The following PITPNB variants were observed in gnomAD, a reference collection of about 807,000 sequenced individuals.
PITPNB encodes the protein phosphatidylinositol transfer protein beta, also known as phosphatidylinositol transfer protein beta isoform.
A neutral mutation model predicts 45.9 loss-of-function variants in PITPNB; 16 were observed. The ratio of observed to expected loss-of-function variants is 0.35; its 90% CI spans 0.24 to 0.53. The LOEUF (loss-of-function observed/expected upper bound fraction) is 0.53. Ranked by LOEUF, PITPNB falls within the 20% of genes least tolerant of loss-of-function variation. The pLI is 0.93. For missense variants in PITPNB, 188 were observed against 330.5 expected (o/e 0.57, Z 3.34); for synonymous variants, 112 against 108.9 (o/e 1.03, Z -0.18).
At chr22:27,875,543 T>C (rs969206051) in intron 7 of PITPNB, among the ~76,000 whole-genome samples, 8 of 152,230 alleles carry the variant, frequency 5.3e-5, no homozygotes, top group Non-Finnish European at 1.0e-4. Flanking sequence ...CAATGAGAAA[T>C]AAGCTACTCT....
chr22:27,896,470 C>T, intron 6 of PITPNB, 82 bp downstream of exon 6: 1 of 940,628 alleles, frequency 1.1e-6, no homozygotes, highest in Non-Finnish European at 1.7e-6. Flanking sequence ...GGTGACATTA[C>T]TTTGATGATG....
intron 7 of PITPNB, among the ~76,000 whole-genome samples, chr22:27,885,212 T>TTA (rs1569019261): frequency 3.3e-4 from 10 of 30,192 alleles, no homozygotes; most frequent in African/African-American, 5.5e-4. Context: ...AATTTATACC[T>TTA]AAAAAAAAAA....
At chr22:27,891,786 A>C (rs1284817165) in intron 7 of PITPNB, among the ~76,000 whole-genome samples, 1 of 152,202 alleles carries the variant, frequency 6.6e-6, no homozygotes, top group Non-Finnish European at 1.5e-5. Context: ...GAGTGAATTA[A>C]ACCTCTTTCC....
At chr22:27,898,581 A>G (rs1935501231) in intron 3 of PITPNB, among the ~76,000 whole-genome samples, 1 of 152,192 alleles carries the variant, frequency 6.6e-6, no homozygotes, top group Non-Finnish European at 1.5e-5. Context: ...TAATGCAAAA[A>G]GCCCCAGAAT....
At chr22:27,874,473 C>T (rs1934760714) in intron 7 of PITPNB, among the ~76,000 whole-genome samples, 1 of 152,148 alleles carries the variant, frequency 6.6e-6, no homozygotes. Flanking sequence ...CAGTTATATA[C>T]CACAGGGGAA....
chr22:27,857,222 T>C (rs1934199715), intron 10 of PITPNB, among the ~76,000 whole-genome samples: 1 of 152,186 alleles, frequency 6.6e-6, no homozygotes, highest in Admixed American at 6.5e-5. Context: ...GGAAAATATG[T>C]TCCAAATTTC....
In PITPNB at chr22:27,914,796, G is replaced by A. The variant is rs565578410; in HGVS notation, c.21-449C>T. 1.6e-4 allele frequency among the ~76,000 whole-genome samples: 24 copies of A among 152,202 alleles called. No individual in the cohort carries two copies. The South Asian group carries it at 4.8e-3, about 30-fold the overall frequency. On this transcript the variant is annotated intron_variant, in intron 1 of 11. Transcript: ENST00000335272. Reference sequence around the variant, plus strand: ...GTGTCTTGAATCTCATTGAATAAACGCTTCCAGAAACTGTTCCCCCACTAT... The same window carrying A: ...GTGTCTTGAATCTCATTGAATAAACACTTCCAGAAACTGTTCCCCCACTAT...
chr22:27,855,091 C>A (rs1487357980), intron 10 of PITPNB, 152 bp from the exon 11 acceptor site: 3 of 591,834 alleles, frequency 5.1e-6, no homozygotes, highest in Non-Finnish European at 9.0e-6. Context: ...CTCAAATAAC[C>A]TTGGTTTGAA....
At chr22:27,910,852 T>G in intron 3 of PITPNB, 112 bp downstream of exon 3, 1 of 734,448 alleles carries the variant, frequency 1.4e-6, no homozygotes, top group Non-Finnish European at 2.4e-6. Context: ...ATGCAATATA[T>G]TATCAAACTG....
At chr22:27,880,909 C>T (rs888866454) in intron 7 of PITPNB, among the ~76,000 whole-genome samples, 3 of 152,218 alleles carry the variant, frequency 2.0e-5, no homozygotes, top group Admixed American at 6.5e-5. Context: ...GCGTGAGCCA[C>T]TGCACCCAGT....
chr22:27,903,330 G>T (rs1188988374), intron 3 of PITPNB, among the ~76,000 whole-genome samples: 1 of 151,804 alleles, frequency 6.6e-6, no homozygotes, highest in East Asian at 1.9e-4. Context: ...TTAGCCAGGC[G>T]TGGTGGTGCA....
rs1428301038 is a variant in PITPNB, at chr22:27,854,771, A to T, written c.*38+83T>A. On this transcript the variant is annotated intron_variant, in intron 11 of 11. Transcript: ENST00000335272. ...AAAAATAAAACCACATTTAACACTTAGAGCTTCTGCTCAGCAAGTTAACTG... is the reference window on the plus strand; with the variant it reads ...AAAAATAAAACCACATTTAACACTTTGAGCTTCTGCTCAGCAAGTTAACTG... 3 of 681,312 alleles carry T rather than the reference A, an allele frequency of 4.4e-6. No individual in the cohort carries two copies. In the African/African-American group the frequency reaches 5.4e-5, roughly 12 times the overall value. The allele number at this position is 681,312 out of a possible 1,614,324, so 42.2% of individuals were successfully genotyped here. A position where few individuals can be genotyped will look rare whatever the true frequency, so the allele number is the denominator to read the frequency against.
At chr22:27,897,302 A>T (rs1474388537) in intron 4 of PITPNB, among the ~76,000 whole-genome samples, 165 bp from the exon 5 acceptor site, 2 of 152,252 alleles carry the variant, frequency 1.3e-5, no homozygotes, top group African/African-American at 2.4e-5. Flanking sequence ...CACACAAGTG[A>T]CACTATACAG....
In PITPNB at chr22:27,894,579, T is replaced by C; in HGVS notation, c.432A>G (p.Ala144=). Reference sequence around the variant, plus strand: ...CTGCTGGTTCAACTTGACTTCTATCTGCAATATCTATATGGACAATTTCAA... The same window carrying C: ...CTGCTGGTTCAACTTGACTTCTATCCGCAATATCTATATGGACAATTTCAA... The part of the protein sequence containing the change: ...KTVEIVHIDI[A]DRSQVEPADY... The change falls in exon 7 of 12, where the codon GCA becomes GCG. Residue 144 remains alanine, a synonymous_variant. Coordinates refer to ENST00000335272, the MANE Select transcript of PITPNB (RefSeq NM_012399.5). The C allele has an allele frequency of 6.3e-7, 1 of 1,593,232 alleles. No homozygotes were observed. The highest frequency in any genetic ancestry group is 1.3e-5 in the African/African-American group (1 of 74,656).
At position 27,853,536 on chromosome 22, in the gene PITPNB, C is replaced by T. The variant is rs1234738447; in HGVS notation, c.*166G>A. The T allele has an allele frequency of 3.6e-6, 4 of 1,123,594 alleles. No homozygotes were observed. Among genetic ancestry groups the T allele is most frequent in the Non-Finnish European group, 5.3e-6 (4 of 757,628 alleles). The allele number at this position is 1,123,594 out of a possible 1,614,324, so 69.6% of individuals were successfully genotyped here. A position where few individuals can be genotyped will look rare whatever the true frequency, so the allele number is the denominator to read the frequency against. On this transcript the variant is annotated 3_prime_UTR_variant, in exon 12 of 12. Transcript: ENST00000335272. ...ACATATATACACACGTGGTTGAGAA[C>T]CTGTGCATGTGTGTGTATCATCACA...
At chr22:27,895,021 C>T (rs1356965359) in intron 6 of PITPNB, among the ~76,000 whole-genome samples, 2 of 152,130 alleles carry the variant, frequency 1.3e-5, no homozygotes, top group Non-Finnish European at 2.9e-5. Context: ...GGTGACATTA[C>T]AAGTAGAATT....
intron 3 of PITPNB, among the ~76,000 whole-genome samples, chr22:27,904,250 G>A (rs1935694409): frequency 6.6e-6 from 1 of 152,198 alleles, no homozygotes; most frequent in Non-Finnish European, 1.5e-5. Flanking sequence ...AACAACTGAT[G>A]AATGGATAAA....
chr22:27,865,175 C>A (rs1187339060), intron 8 of PITPNB, among the ~76,000 whole-genome samples: 4 of 152,000 alleles, frequency 2.6e-5, no homozygotes, highest in African/African-American at 9.7e-5. Context: ...TTTAAAAAAA[C>A]CTAATACACT....
chr22:27,910,190 T>C (rs1479407714), intron 3 of PITPNB, among the ~76,000 whole-genome samples: 1 of 152,130 alleles, frequency 6.6e-6, no homozygotes, highest in Non-Finnish European at 1.5e-5. Flanking sequence ...GACCTCGTAA[T>C]CTGCCCGCCT....
Sources: allele counts gnomAD v4.1 joint callset (sites outside exome capture counted in the v4.1 genomes callset), GRCh38; gene constraint gnomAD v4.1.1; transcripts MANE v1.5; gene names NCBI Gene and HGNC (gene_info 2026-07-23, HGNC 2026-07-21).